PGM5: variants seen among roughly 807,000 people sequenced by gnomAD.
The protein encoded by PGM5 is phosphoglucomutase 5, also known as phosphoglucomutase-like protein 5.
PGM5 carries 23 observed loss-of-function variants against 59.2 expected under a neutral mutation model. The ratio of observed to expected loss-of-function variants is 0.39; its 90% confidence interval spans 0.28 to 0.55. The LOEUF (loss-of-function observed/expected upper bound fraction) is 0.55. Among genes scored for constraint, PGM5 ranks in the 20% least tolerant of loss-of-function variants. The pLI is 0.66. For missense variants in PGM5, 574 were observed against 748.3 expected, an observed-to-expected ratio of 0.77 and a Z score of 2.72; for synonymous variants, 214 against 286.0, an observed-to-expected ratio of 0.75 and a Z score of 2.54.
intron 1 of PGM5, among the ~76,000 whole-genome samples, chr9:68,360,022 T>C (rs1350138732): frequency 6.6e-6 from 1 of 152,030 alleles, no homozygotes; most frequent in Non-Finnish European, 1.5e-5. Context: ...TTTTTGTGTT[T>C]TTACTACTCA....
Position 68,430,790 on chromosome 9 carries a change from G to A in PGM5, c.1044-34303G>A, listed in dbSNP as rs1823331448. On this transcript the variant is annotated intron_variant, in intron 6 of 10. Coordinates refer to ENST00000396396, the MANE Select transcript of PGM5 (RefSeq NM_021965.4). ...TGTTATGATAAAAAAGAACAACAGA[G>A]TTTGAAAACTTTCAGTGATTGTAAT... 2.6e-5 allele frequency among the ~76,000 whole-genome samples: 4 copies of A among 152,306 alleles called. No individual in the cohort carries two copies. The South Asian group carries it at 8.3e-4, about 32-fold the overall frequency.
chr9:68,361,790 G>A (rs544736633), intron 1 of PGM5, among the ~76,000 whole-genome samples: 11 of 151,974 alleles, frequency 7.2e-5, no homozygotes, highest in Admixed American at 2.0e-4. Flanking sequence ...AGACATACAC[G>A]TTCAGCCCAT....
rs557506637 is a variant in PGM5 at position 68,383,897 on chromosome 9, A to G, written c.425-501A>G. The stretch of plus-strand genomic sequence containing the variant: ...AGCTTCATTTTGGAAGTGACTAGAG[A>G]TTGTGAGTTGGGGAAAATAATTAAC... On this transcript the variant is annotated intron_variant, in intron 2 of 10. Coordinates refer to ENST00000396396, the MANE Select transcript of PGM5 (RefSeq NM_021965.4). 2.4e-4 allele frequency among the ~76,000 whole-genome samples: 37 copies of G among 152,018 alleles called. 1 individual carries two copies. The South Asian group carries it at 7.7e-3, about 31-fold the overall frequency.
intron 1 of PGM5, among the ~76,000 whole-genome samples, chr9:68,373,998 C>G (rs1654632501): frequency 6.6e-6 from 1 of 152,276 alleles, no homozygotes; most frequent in South Asian, 2.1e-4. Context: ...AGTTTATCAC[C>G]CATTGTCCAA....
chr9:68,443,242 G>A (rs1039108101), intron 6 of PGM5, among the ~76,000 whole-genome samples: 1 of 152,198 alleles, frequency 6.6e-6, no homozygotes, highest in East Asian at 1.9e-4. Flanking sequence ...AAATGATTTT[G>A]CTGAATGAAA....
chr9:68,457,752 T>G (rs1587816503), intron 6 of PGM5, among the ~76,000 whole-genome samples: 3 of 152,236 alleles, frequency 2.0e-5, no homozygotes, highest in African/African-American at 7.2e-5. Flanking sequence ...CACTTTTAGT[T>G]TATAGGAGTG....
chr9:68,441,534 T>G (rs1279979921), intron 6 of PGM5, among the ~76,000 whole-genome samples: 1 of 152,198 alleles, frequency 6.6e-6, no homozygotes, highest in African/African-American at 2.4e-5. Flanking sequence ...ATTACATCAA[T>G]TGAGGCACAA....
chr9:68,526,932 A>G (rs377624059), intron 10 of PGM5, among the ~76,000 whole-genome samples: 1 of 152,240 alleles, frequency 6.6e-6, no homozygotes, highest in East Asian at 1.9e-4. Context: ...GCATTAACAT[A>G]TTGGGAACAA....
intron 6 of PGM5, chr9:68,406,063 A>G (rs1230067352): frequency 6.6e-6 from 1 of 152,132 alleles, no homozygotes; most frequent in Non-Finnish European, 1.5e-5. Flanking sequence ...AAAAGCAAGC[A>G]TTTATGTCTG....
chr9:68,400,236 G>A (rs1464753375), intron 6 of PGM5, among the ~76,000 whole-genome samples: 12 of 151,982 alleles, frequency 7.9e-5, no homozygotes, highest in South Asian at 2.1e-4. Context: ...AGGAGATTCC[G>A]TCTCCTGATT....
intron 6 of PGM5, among the ~76,000 whole-genome samples, chr9:68,410,148 A>G (rs1822901424): frequency 6.6e-6 from 1 of 152,218 alleles, no homozygotes; most frequent in South Asian, 2.1e-4. Flanking sequence ...TAGAGAGAGG[A>G]TGAAGAAGAA....
intron 1 of PGM5, among the ~76,000 whole-genome samples, chr9:68,367,719 A>C (rs7873212): frequency 1.3e-5 from 2 of 151,408 alleles, no homozygotes; most frequent in African/African-American, 4.9e-5. Flanking sequence ...AGAGGTCTTT[A>C]GTTCACTGGA....
In PGM5 at chr9:68,404,756, T is replaced by C. The variant is rs1414492877; in HGVS notation, c.1043+12283T>C. On this transcript the variant is annotated intron_variant, in intron 6 of 10. Coordinates refer to ENST00000396396, the MANE Select transcript of PGM5 (RefSeq NM_021965.4). ...GGCATGAGGGAAAACTCCTTGTAAG[T>C]TGATGCCTGTATTTAAGAATGCAAG... 3.2e-4 allele frequency among the ~76,000 whole-genome samples: 49 copies of C among 152,288 alleles called. 1 individual carries two copies. The highest frequency in any genetic ancestry group is 1.1e-3 in the African/African-American group (46 of 41,562).
At chr9:68,362,859 C>CT (rs1834605026) in intron 1 of PGM5, among the ~76,000 whole-genome samples, 1 of 134,658 alleles carries the variant, frequency 7.4e-6, no homozygotes, top group African/African-American at 2.7e-5. Flanking sequence ...CTGACTTTTT[C>CT]TTTTTCTTTT....
chr9:68,487,529 C>T (rs1484581280), intron 9 of PGM5, among the ~76,000 whole-genome samples: 2 of 150,776 alleles, frequency 1.3e-5, no homozygotes, highest in South Asian at 2.1e-4. Context: ...AAGTAATAAT[C>T]AGTGTGCCCT....
intron 2 of PGM5, among the ~76,000 whole-genome samples, chr9:68,379,675 C>G (rs746296651): frequency 3.3e-5 from 5 of 152,024 alleles, no homozygotes; most frequent in Non-Finnish European, 7.4e-5. Flanking sequence ...GGATCAACAA[C>G]AAGATCCAAC....
At chr9:68,510,784 G>C (rs1339440067) in intron 10 of PGM5, among the ~76,000 whole-genome samples, 1 of 152,158 alleles carries the variant, frequency 6.6e-6, no homozygotes, top group Admixed American at 6.5e-5. Flanking sequence ...AAAAGTTACA[G>C]GCAAAGACAC....
chr9:68,450,192 TAC>T (rs1397607904), intron 6 of PGM5, among the ~76,000 whole-genome samples: 1 of 152,188 alleles, frequency 6.6e-6, no homozygotes, highest in Non-Finnish European at 1.5e-5. Context: ...GTCATTTGTG[TAC>T]AGTTTGTCTT....
chr9:68,473,187 A>G (rs1217114998), intron 7 of PGM5, among the ~76,000 whole-genome samples: 1 of 152,226 alleles, frequency 6.6e-6, no homozygotes, highest in Non-Finnish European at 1.5e-5. Flanking sequence ...CTTTAACCTC[A>G]TAACTCCACT....
Sources: gnomAD v4.1 joint callset for allele counts (sites outside exome capture counted in the v4.1 genomes callset) on GRCh38, gnomAD v4.1.1 for gene constraint, MANE v1.5 for transcripts, NCBI Gene and HGNC (gene_info 2026-07-23, HGNC 2026-07-21) for gene names.